Variants in MTMR7 observed in about 807,000 individuals in gnomAD.
The protein encoded by MTMR7 is phosphatidylinositol-3-phosphate phosphatase MTMR7.
MTMR7 carries 76 observed loss-of-function variants against 81.2 expected under a neutral mutation model. The observed-to-expected ratio is 0.94, with a 90% CI of 0.78 to 1.13. The LOEUF is 1.13. Among genes scored for constraint, MTMR7 ranks in the 50% most tolerant of loss-of-function variants. The pLI is 0.00. For synonymous variants in MTMR7, 372 were observed against 289.8 expected, an observed-to-expected ratio of 1.28 and a Z score of -2.88; for missense variants, 1,044 against 820.0, an observed-to-expected ratio of 1.27 and a Z score of -3.34.
intron 1 of MTMR7, among the ~76,000 whole-genome samples, chr8:17,401,207 G>T (rs140842251): frequency 0.021 from 3,201 of 152,212 alleles, 61 homozygotes; most frequent in Middle Eastern, 0.078. Context: ...AGTTAGGATT[G>T]TTATTTTATA....
At position 17,305,868 on chromosome 8, in the gene MTMR7, G is replaced by A. The variant is rs779745415; in HGVS notation, c.1241C>T (p.Pro414Leu). 2 of 1,613,574 alleles carry A rather than the reference G, an allele frequency of 1.2e-6. No individual in the cohort carries two copies. The highest frequency in any genetic ancestry group is 1.7e-6 in the Non-Finnish European group (2 of 1,179,626). ...ECVWQLMEQFPCAFEFNERFL... is the reference protein window; with the variant it reads ...ECVWQLMEQFLCAFEFNERFL... ...CCTCTCATTGAACTCAAAGGCACAG[G>A]GAAATTGTTCCATTAACTGCCAAAC... The change falls in exon 11 of 14, where the codon CCC becomes CTC. Residue 414 changes from proline (P) to leucine (L), a missense_variant. Coordinates refer to ENST00000180173, the MANE Select transcript of MTMR7 (RefSeq NM_004686.5).
intron 4 of MTMR7, among the ~76,000 whole-genome samples, chr8:17,351,756 G>A (rs568754932): frequency 3.9e-5 from 6 of 152,306 alleles, no homozygotes; most frequent in African/African-American, 1.4e-4. Context: ...GTACTTGCTC[G>A]GGGAACTCTA....
At chr8:17,305,241 T>A (rs1021596603) in intron 11 of MTMR7, among the ~76,000 whole-genome samples, 1 of 152,226 alleles carries the variant, frequency 6.6e-6, no homozygotes, top group Non-Finnish European at 1.5e-5. Context: ...TATGAAAATT[T>A]AAAAAATGTT....
At chr8:17,371,252 G>A (rs1315116761) in intron 2 of MTMR7, 53 bp from the exon 3 acceptor site, 40 of 1,559,746 alleles carry the variant, frequency 2.6e-5, no homozygotes, top group African/African-American at 6.8e-5. Context: ...TAATGAATAC[G>A]ACAAGGACTA....
At chr8:17,380,671 G>A (rs971958860) in intron 1 of MTMR7, among the ~76,000 whole-genome samples, 1 of 152,050 alleles carries the variant, frequency 6.6e-6, no homozygotes, top group Non-Finnish European at 1.5e-5. Context: ...CCGTGCTAGA[G>A]CTAAGGTCTG....
At chr8:17,348,724 A>G (rs1255176232) in intron 5 of MTMR7, among the ~76,000 whole-genome samples, 1 of 152,110 alleles carries the variant, frequency 6.6e-6, no homozygotes, top group South Asian at 2.1e-4. Flanking sequence ...TTCTGAATCT[A>G]TTGAGTCATT....
chr8:17,302,091 A>G, intron 13 of MTMR7, 63 bp downstream of exon 13: 1 of 1,596,870 alleles, frequency 6.3e-7, no homozygotes, highest in Non-Finnish European at 8.6e-7. Flanking sequence ...AGAGGCTTTC[A>G]TGAAGCCTTG....
Position 17,313,359 on chromosome 8 carries a change from C to G in MTMR7, c.908G>C (p.Gly303Ala), listed in dbSNP as rs761358625. The G allele has an allele frequency of 1.9e-6, 3 of 1,612,924 alleles. No individual in the cohort carries two copies. Among genetic ancestry groups the G allele is most frequent in the Non-Finnish European group, 2.5e-6 (3 of 1,179,158 alleles). ...CCTTAACCAGCCAGAGTTCTCCAGA[C>G]CCCACAGGAAATCACTCATGGAGGG... The part of the protein sequence containing the change: ...KSPSMSDFLW[G>A]LENSGWLRHI... Residue 303 changes from glycine (G) to alanine (A), a missense_variant, in exon 8 of 14, where the codon GGT (glycine) becomes GCT (alanine). Coordinates refer to ENST00000180173, the MANE Select transcript of MTMR7 (RefSeq NM_004686.5).
chr8:17,306,017 T>A, intron 10 of MTMR7, 60 bp from the exon 11 acceptor site: 1 of 1,405,338 alleles, frequency 7.1e-7, no homozygotes, highest in Non-Finnish European at 9.8e-7. Context: ...TACAAAGCCA[T>A]AAATGCAAAA....
At chr8:17,311,328 C>G (rs1429686138) in intron 9 of MTMR7, among the ~76,000 whole-genome samples, 183 bp downstream of exon 9, 6 of 152,122 alleles carry the variant, frequency 3.9e-5, no homozygotes, top group Non-Finnish European at 7.4e-5. Flanking sequence ...TCTCTTTATT[C>G]CAAGCCTTCC....
chr8:17,331,693 T>C lies in MTMR7; in HGVS notation c.733-411A>G, dbSNP rs373451307. ...GCTGTCAAAATAAGGCTCTATACAT[T>C]ATTATATCTTCTAGTATTAGATTGC... On this transcript the variant is annotated intron_variant, in intron 6 of 13. Transcript: ENST00000180173. Among the ~76,000 whole-genome samples, 25 of 152,308 alleles carry C rather than the reference T, an allele frequency of 1.6e-4. No homozygotes were observed. The East Asian group carries it at 1.9e-3, about 12-fold the overall frequency.
At chr8:17,317,629 A>C (rs1302115215) in intron 7 of MTMR7, among the ~76,000 whole-genome samples, 1 of 152,176 alleles carries the variant, frequency 6.6e-6, no homozygotes. Flanking sequence ...TTCACTAGGC[A>C]GTGCAGGGGA....
intron 10 of MTMR7, among the ~76,000 whole-genome samples, chr8:17,308,381 T>C (rs758674934): frequency 1.3e-5 from 2 of 152,136 alleles, no homozygotes; most frequent in Non-Finnish European, 2.9e-5. Flanking sequence ...AATTTTCTCA[T>C]TGGTAAATGG....
chr8:17,381,559 A>G (rs1399312367), intron 1 of MTMR7, among the ~76,000 whole-genome samples: 1 of 152,196 alleles, frequency 6.6e-6, no homozygotes, highest in Non-Finnish European at 1.5e-5. Context: ...AGGAATCCAA[A>G]GTGCAGGGCC....
intron 2 of MTMR7, among the ~76,000 whole-genome samples, chr8:17,372,363 T>TTGAGG (rs1820445034): frequency 6.6e-6 from 1 of 152,098 alleles, no homozygotes; most frequent in Admixed American, 6.5e-5. Context: ...GGCAGATCAC[T>TTGAGG]TGAGGTCAGG....
intron 7 of MTMR7, among the ~76,000 whole-genome samples, chr8:17,329,611 T>C (rs1177263517): frequency 6.6e-6 from 1 of 152,224 alleles, no homozygotes; most frequent in East Asian, 1.9e-4. Context: ...ATTTATGTTC[T>C]CCAGGTCATC....
chr8:17,401,117 T>C (rs116821143), intron 1 of MTMR7, among the ~76,000 whole-genome samples: 1 of 152,164 alleles, frequency 6.6e-6, no homozygotes, highest in Non-Finnish European at 1.5e-5. Flanking sequence ...GGTATGTGTA[T>C]GTGTGTAGGT....
intron 10 of MTMR7, among the ~76,000 whole-genome samples, chr8:17,309,041 A>T (rs1253792070): frequency 1.3e-5 from 2 of 152,226 alleles, no homozygotes; most frequent in Non-Finnish European, 2.9e-5. Context: ...ATGAACAAGC[A>T]TTCTCTGTCT....
At chr8:17,326,837 G>C (rs1818708306) in intron 7 of MTMR7, among the ~76,000 whole-genome samples, 1 of 152,164 alleles carries the variant, frequency 6.6e-6, no homozygotes. Context: ...ATTTATGCTT[G>C]AGAAACATCC....
Sources: allele counts gnomAD v4.1 joint callset (sites outside exome capture counted in the v4.1 genomes callset), GRCh38; gene constraint gnomAD v4.1.1; transcripts MANE v1.5; gene names NCBI Gene and HGNC (gene_info 2026-07-23, HGNC 2026-07-21).